The following CDKN2B-AS1 variants were observed in gnomAD, a reference collection of about 807,000 sequenced individuals.
CDKN2B-AS1 encodes CDKN2B and CDKN2A antisense cis and trans regulatory RNA 1, also known as CDKN2B antisense RNA 1 (non-protein coding).
At chr9:22,055,589 T>A (rs544707947) in intron 3 of CDKN2B-AS1, among the ~76,000 whole-genome samples, 6 of 152,312 alleles carry the variant, frequency 3.9e-5, no homozygotes, top group African/African-American at 1.2e-4. Context: ...TTAAAAAATA[T>A]AACTTTAAAA....
intron 4 of CDKN2B-AS1, among the ~76,000 whole-genome samples, chr9:22,086,964 G>A (rs1824886601): frequency 6.6e-6 from 1 of 152,178 alleles, no homozygotes; most frequent in African/African-American, 2.4e-5. Flanking sequence ...ACTATGGCAA[G>A]CCATGTGAAT....
chr9:22,123,607 G>A (rs1285648902), intron 4 of CDKN2B-AS1, among the ~76,000 whole-genome samples: 1 of 151,454 alleles, frequency 6.6e-6, no homozygotes, highest in Non-Finnish European at 1.5e-5. Context: ...GATGGCCAAT[G>A]ATCCAGAAGT....
intron 1 of CDKN2B-AS1, among the ~76,000 whole-genome samples, chr9:22,007,854 A>G (rs928838454): frequency 2.6e-5 from 4 of 152,154 alleles, no homozygotes; most frequent in Non-Finnish European, 4.4e-5. Flanking sequence ...TTGCTCCTTT[A>G]AAAATCCCTC....
rs577892900 is a variant in CDKN2B-AS1 at position 22,017,749 on chromosome 9, A to G, written n.29+22588A>G. Among the ~76,000 whole-genome samples the G allele has an allele frequency of 2.2e-4, 34 of 152,166 alleles. No individual in the cohort carries two copies. The South Asian group carries it at 4.1e-3, about 19-fold the overall frequency. The stretch of plus-strand genomic sequence containing the variant: ...AGGTATTGGTATATATTTGTTCATT[A>G]TAAGCATTTAAAAACAAAGGAACCT... On this transcript the variant is annotated intron_variant and non_coding_transcript_variant, in intron 1 of 4. Coordinates refer to ENST00000650946, the Ensembl canonical transcript of CDKN2B-AS1.
intron 4 of CDKN2B-AS1, among the ~76,000 whole-genome samples, chr9:22,125,048 C>T (rs981745908): frequency 6.6e-6 from 1 of 152,282 alleles, no homozygotes; most frequent in Admixed American, 6.5e-5. Context: ...TACGTGCATG[C>T]ACGCACACGT....
At chr9:22,084,755 T>C (rs996199396) in intron 4 of CDKN2B-AS1, among the ~76,000 whole-genome samples, 15 of 152,218 alleles carry the variant, frequency 9.9e-5, no homozygotes, top group Admixed American at 9.2e-4. Flanking sequence ...ACATTTGCCA[T>C]GTCTTCTTGG....
In CDKN2B-AS1 at chr9:22,000,370, G is replaced by A. The variant is rs767735308; in HGVS notation, n.29+5209G>A. On this transcript the variant is annotated intron_variant and non_coding_transcript_variant, in intron 1 of 4. Coordinates refer to ENST00000650946, the Ensembl canonical transcript of CDKN2B-AS1. The surrounding 1 kb of genome is among the most constrained non-coding windows in gnomAD (Gnocchi z 4.1). ...ACGACCTTAAATCTTTCTGTTTATGGTGGTATTTAAACATATTAAAAACTA... is the reference window on the plus strand; with the variant it reads ...ACGACCTTAAATCTTTCTGTTTATGATGGTATTTAAACATATTAAAAACTA... Among the ~76,000 whole-genome samples, 3 of 152,122 alleles carry A rather than the reference G, an allele frequency of 2.0e-5. No individual in the cohort carries two copies. Among genetic ancestry groups the A allele is most frequent in the Admixed American group, 1.3e-4 (2 of 15,280 alleles).
chr9:22,061,067 A>T (rs754923053), intron 4 of CDKN2B-AS1, among the ~76,000 whole-genome samples: 3 of 152,176 alleles, frequency 2.0e-5, no homozygotes, highest in Non-Finnish European at 2.9e-5. Context: ...TTGTACTGAT[A>T]ATTAATATCT....
At position 22,127,837 on chromosome 9, in the gene CDKN2B-AS1, G is replaced by A. The variant is rs1052182785; in HGVS notation, n.1173G>A. Among the ~76,000 whole-genome samples, 6 of 152,336 alleles carry A rather than the reference G, an allele frequency of 3.9e-5. No individual in the cohort carries two copies. The South Asian group carries it at 1.2e-3, about 32-fold the overall frequency. On this transcript the variant is annotated non_coding_transcript_exon_variant, in exon 5 of 5. Coordinates refer to ENST00000650946, the Ensembl canonical transcript of CDKN2B-AS1. ...TGGCTTTCAGTAGCAGAAGCCCTTT[G>A]TCTACTTCTCTAGTATTGAAGTGAA...
chr9:22,007,772 A>G lies in CDKN2B-AS1; in HGVS notation n.29+12611A>G, dbSNP rs2069423. On this transcript the variant is annotated intron_variant and non_coding_transcript_variant, in intron 1 of 4. Coordinates refer to ENST00000650946, the Ensembl canonical transcript of CDKN2B-AS1. ...GCTGTTAGTATTTCAGAAAATGGTG[A>G]ATTACATATATAACTTGTTTTTATA... 3.1e-3 allele frequency among the ~76,000 whole-genome samples: 479 copies of G among 152,324 alleles called. 5 individuals are homozygous for G. Among genetic ancestry groups the G allele is most frequent in the African/African-American group, 0.011 (464 of 41,580 alleles).
intron 3 of CDKN2B-AS1, among the ~76,000 whole-genome samples, chr9:22,053,162 A>G (rs1204900535): frequency 6.6e-6 from 1 of 152,214 alleles, no homozygotes; most frequent in Non-Finnish European, 1.5e-5. Flanking sequence ...TTAGCACAAA[A>G]CAACCAGTTT....
Position 22,105,596 on chromosome 9 carries a change from A to C in CDKN2B-AS1, n.439-21507A>C, listed in dbSNP as rs7872591. On this transcript the variant is annotated intron_variant and non_coding_transcript_variant, in intron 4 of 4. Coordinates refer to ENST00000650946, the Ensembl canonical transcript of CDKN2B-AS1. ...AGTGTATGTCTGAAAAGAGAGACTC[A>C]GGCAGATGCTATATTGCCTTTTGTG... Among the ~76,000 whole-genome samples the C allele has an allele frequency of 2.2e-3, 336 of 152,308 alleles. 3 individuals carry two copies. Among genetic ancestry groups the C allele is most frequent in the African/African-American group, 7.7e-3 (321 of 41,584 alleles).
chr9:22,091,857 A>G (rs1369502449), intron 4 of CDKN2B-AS1, among the ~76,000 whole-genome samples: 3 of 152,130 alleles, frequency 2.0e-5, no homozygotes, highest in South Asian at 2.1e-4. Flanking sequence ...TTCCAACACT[A>G]TGTTGAATAG....
intron 1 of CDKN2B-AS1, among the ~76,000 whole-genome samples, chr9:22,028,432 A>G (rs1822328780): frequency 6.6e-6 from 1 of 152,158 alleles, no homozygotes. Flanking sequence ...TTCAAAATTC[A>G]GTAGCTAATA....
chr9:22,038,475 T>A (rs1822776171), intron 1 of CDKN2B-AS1, among the ~76,000 whole-genome samples: 1 of 152,028 alleles, frequency 6.6e-6, no homozygotes, highest in Admixed American at 6.6e-5. Flanking sequence ...CTTTAATTGC[T>A]CAGCTGCCTC....
At chr9:22,105,953 C>T (rs138806412) in intron 4 of CDKN2B-AS1, among the ~76,000 whole-genome samples, 1 of 152,360 alleles carries the variant, frequency 6.6e-6, no homozygotes, top group East Asian at 1.9e-4. Flanking sequence ...CTCTGTCGCC[C>T]AGGCCGGAGT....
At chr9:22,024,843 C>G (rs1483563183) in intron 1 of CDKN2B-AS1, among the ~76,000 whole-genome samples, 1 of 152,160 alleles carries the variant, frequency 6.6e-6, no homozygotes, top group Non-Finnish European at 1.5e-5. Context: ...CTGGAGTTCT[C>G]CACTGGTCAG....
At chr9:22,088,672 C>T (rs1824949044) in intron 4 of CDKN2B-AS1, among the ~76,000 whole-genome samples, 1 of 152,126 alleles carries the variant, frequency 6.6e-6, no homozygotes, top group South Asian at 2.1e-4. Context: ...GAATTACTGT[C>T]CTCTCAATAG....
chr9:22,021,058 G>C (rs994353465), intron 1 of CDKN2B-AS1, among the ~76,000 whole-genome samples: 4 of 152,162 alleles, frequency 2.6e-5, no homozygotes, highest in Non-Finnish European at 5.9e-5. Context: ...TGTATATGGT[G>C]TAAGGAAGGG....
Sources: gnomAD v4.1 joint callset for allele counts (sites outside exome capture counted in the v4.1 genomes callset) on GRCh38, gnomAD v4.1.1 for gene constraint, Gnocchi (gnomAD v3.1) non-coding constraint, MANE v1.5 for transcripts, NCBI Gene and HGNC (gene_info 2026-07-23, HGNC 2026-07-21) for gene names.